Variants in SRGAP2 observed in about 807,000 individuals in gnomAD.
SRGAP2 encodes the protein SLIT-ROBO Rho GTPase activating protein 2.
SRGAP2 carries 15 observed loss-of-function variants against 57.2 expected under a neutral mutation model. The ratio of observed to expected loss-of-function variants is 0.26; its 90% CI spans 0.18 to 0.40. The LOEUF (loss-of-function observed/expected upper bound fraction) is 0.40, where lower values mean the gene tolerates loss of function less well. Ranked by LOEUF, SRGAP2 falls within the 10% of genes least tolerant of loss-of-function variation. SRGAP2 has a pLI of 1.00. For synonymous variants in SRGAP2, 249 were observed against 248.0 expected, an observed-to-expected ratio of 1.00 and a Z score of -0.04; for missense variants, 520 against 669.6, an observed-to-expected ratio of 0.78 and a Z score of 2.47.
intron 3 of SRGAP2, among the ~76,000 whole-genome samples, chr1:206,339,350 A>G (rs1304068514): frequency 6.6e-6 from 1 of 151,506 alleles, no homozygotes; most frequent in African/African-American, 2.4e-5. Flanking sequence ...GCTGTGTGTC[A>G]AGTTATAGGC....
At chr1:206,335,929 T>C (rs1674741126) in intron 3 of SRGAP2, among the ~76,000 whole-genome samples, 6 of 152,162 alleles carry the variant, frequency 3.9e-5, no homozygotes, top group Admixed American at 3.9e-4. Flanking sequence ...ATAGCTTAAA[T>C]TTGGGGACCA....
chr1:206,398,217 T>C (rs1346247131), intron 7 of SRGAP2, among the ~76,000 whole-genome samples: 1 of 152,212 alleles, frequency 6.6e-6, no homozygotes, highest in African/African-American at 2.4e-5. Flanking sequence ...TTCCTGTACT[T>C]ACTGGGATTC....
At chr1:206,255,318 A>C (rs1402476174) in intron 2 of SRGAP2, among the ~76,000 whole-genome samples, 1 of 150,712 alleles carries the variant, frequency 6.6e-6, no homozygotes, top group Non-Finnish European at 1.5e-5. Flanking sequence ...CTTTTGACAC[A>C]GTGTGTACCT....
At chr1:206,386,407 G>A (rs1656258017) in intron 5 of SRGAP2, among the ~76,000 whole-genome samples, 1 of 145,276 alleles carries the variant, frequency 6.9e-6, no homozygotes, top group South Asian at 2.4e-4. Context: ...CCATGCACTG[G>A]TATTTCTATA....
intron 2 of SRGAP2, among the ~76,000 whole-genome samples, chr1:206,290,641 CAAA>C (rs1237811129): frequency 0.01 from 461 of 45,092 alleles, 2 homozygotes; most frequent in African/African-American, 0.034. Context: ...GACTCCATCT[CAAA>C]AAAAAAAAAA....
At chr1:206,284,459 GT>G (rs1216418360) in intron 2 of SRGAP2, among the ~76,000 whole-genome samples, 2 of 149,048 alleles carry the variant, frequency 1.3e-5, no homozygotes, top group Non-Finnish European at 3.0e-5. Flanking sequence ...TGTTGTTGTT[GT>G]TTTTTTTGAG....
intron 4 of SRGAP2, among the ~76,000 whole-genome samples, chr1:206,375,758 A>C (rs1389977523): frequency 6.6e-6 from 1 of 152,082 alleles, no homozygotes; most frequent in Non-Finnish European, 1.5e-5. Context: ...GACTTTGGTC[A>C]GGGACCAAAG....
At chr1:206,314,609 G>A (rs1291439153) in intron 3 of SRGAP2, among the ~76,000 whole-genome samples, 2 of 152,188 alleles carry the variant, frequency 1.3e-5, no homozygotes, top group African/African-American at 4.8e-5. Context: ...TTTTTTGGCT[G>A]TTGGTAGAGA....
intron 22 of SRGAP2, among the ~76,000 whole-genome samples, chr1:206,459,974 G>C (rs1553379893): frequency 6.6e-6 from 1 of 152,216 alleles, no homozygotes; most frequent in Non-Finnish European, 1.5e-5. Context: ...TGTCAGGAAA[G>C]GTAGACAGCT....
chr1:206,381,212 T>A (rs1332908683), intron 4 of SRGAP2, among the ~76,000 whole-genome samples: 2 of 152,192 alleles, frequency 1.3e-5, no homozygotes, highest in African/African-American at 4.8e-5. Context: ...TTCCCTCCCC[T>A]TCTTCCCCCA....
chr1:206,273,198 C>A (rs1670228055), intron 2 of SRGAP2, among the ~76,000 whole-genome samples: 1 of 152,046 alleles, frequency 6.6e-6, no homozygotes, highest in Admixed American at 6.6e-5. Flanking sequence ...ATACAGCAGT[C>A]AGCTCTTTGG....
In SRGAP2 at chr1:206,346,879, ACC is replaced by A. The variant is rs1441175967; in HGVS notation, c.423+3872_423+3873del. ...ATATGTATTATCTCCTTTAATCCTT[ACC>A]ATAATTTTATAAAGTAGTTACTATT... On this transcript the variant is annotated intron_variant, in intron 4 of 22. Coordinates refer to ENST00000573034, the MANE Select transcript of SRGAP2 (RefSeq NM_015326.5). Among the ~76,000 whole-genome samples the A allele has an allele frequency of 2.0e-5, 3 of 152,334 alleles. No individual in the cohort carries two copies. The East Asian group carries it at 5.8e-4, about 29-fold the overall frequency.
intron 4 of SRGAP2, among the ~76,000 whole-genome samples, chr1:206,346,351 G>A (rs1553336848): frequency 2.6e-5 from 4 of 152,184 alleles, no homozygotes; most frequent in Non-Finnish European, 5.9e-5. Context: ...GTTCTGTGAC[G>A]ATAAGGGGAT....
intron 14 of SRGAP2, among the ~76,000 whole-genome samples, chr1:206,434,558 G>C (rs1480170224): frequency 4.6e-5 from 7 of 152,212 alleles, no homozygotes; most frequent in Admixed American, 1.3e-4. Context: ...GGATTCGCCT[G>C]CATTATAATA....
At chr1:206,255,146 A>G (rs533319826) in intron 2 of SRGAP2, among the ~76,000 whole-genome samples, 11 of 131,592 alleles carry the variant, frequency 8.4e-5, no homozygotes, top group Non-Finnish European at 1.6e-4. Flanking sequence ...CACCTCATCA[A>G]GATCTTATCT....
chr1:206,451,985 C>T (rs1325629130), intron 19 of SRGAP2, among the ~76,000 whole-genome samples: 11 of 152,178 alleles, frequency 7.2e-5, no homozygotes, highest in Admixed American at 5.9e-4. Context: ...CCAGAATAGC[C>T]GACTTTCATC....
In SRGAP2 at chr1:206,430,187, T is replaced by C; in HGVS notation, c.1520T>C (p.Val507Ala). 1.3e-6 allele frequency: 1 copy of C among 780,820 alleles called. No individual in the cohort carries two copies. The highest frequency in any genetic ancestry group is 2.4e-6 in the Non-Finnish European group (1 of 417,926). 48.4% of individuals were successfully genotyped at this position (780,820 alleles called of 1,614,324 possible). Residue 507 changes from valine (V) to alanine (A), a missense_variant, in exon 14 of 23, where the codon GTG becomes GCG. Coordinates refer to ENST00000573034, the MANE Select transcript of SRGAP2 (RefSeq NM_015326.5). ...KQDSSQAIPL[V>A]VESCIRFISR... Reference sequence around the variant, plus strand: ...GACTCCAGCCAGGCAATTCCTCTGGTGGTGGAAAGCTGTATCCGGTTTATC... The same window carrying C: ...GACTCCAGCCAGGCAATTCCTCTGGCGGTGGAAAGCTGTATCCGGTTTATC...
chr1:206,230,620 T>C (rs1419285990), intron 2 of SRGAP2, among the ~76,000 whole-genome samples: 1 of 151,934 alleles, frequency 6.6e-6, no homozygotes, highest in African/African-American at 2.4e-5. Context: ...CCTGCTTTCA[T>C]GGAGCTGTAT....
chr1:206,229,443 C>T (rs1485826892), intron 2 of SRGAP2, among the ~76,000 whole-genome samples: 1 of 152,104 alleles, frequency 6.6e-6, no homozygotes, highest in East Asian at 1.9e-4. Flanking sequence ...AAGCTGAAGC[C>T]TGGGTGTGGT....
Sources: allele counts gnomAD v4.1 joint callset (sites outside exome capture counted in the v4.1 genomes callset), GRCh38; gene constraint gnomAD v4.1.1; transcripts MANE v1.5; gene names NCBI Gene and HGNC (gene_info 2026-07-23, HGNC 2026-07-21).